Variants in GRM7 observed in about 807,000 individuals in gnomAD.
GRM7 encodes glutamate metabotropic receptor 7.
In GRM7, 35 loss-of-function variants were observed where a neutral mutation model predicts 84.5. The observed-to-expected ratio is 0.41, with a 90% confidence interval of 0.32 to 0.55. The LOEUF is 0.55. Ranked by LOEUF, GRM7 falls within the 20% of genes least tolerant of loss-of-function variation. The pLI, the probability that GRM7 is intolerant of heterozygous loss-of-function variation, is 0.19. For missense variants in GRM7, 1,003 were observed against 1,194.6 expected, an observed-to-expected ratio of 0.84 and a Z score of 2.36; for synonymous variants, 487 against 455.1, an observed-to-expected ratio of 1.07 and a Z score of -0.89.
chr3:6,886,831 A>G (rs1339282276), intron 1 of GRM7, among the ~76,000 whole-genome samples: 1 of 151,816 alleles, frequency 6.6e-6, no homozygotes, highest in Non-Finnish European at 1.5e-5. Context: ...GGATGTCCTA[A>G]GCACTTTGTA....
Position 7,276,203 on chromosome 3 carries a change from ATATATGTGTGTGTGTG to A in GRM7, c.737-22479_737-22464del, listed in dbSNP as rs1378620936. ...ATTATTTTTTAAATTATATATATAT[ATATATGTGTGTGTGTG>A]TGTGTGTGTGTGTGTGTGTGTGTGT... On this transcript the variant is annotated intron_variant, in intron 2 of 9. Coordinates refer to ENST00000357716, the MANE Select transcript of GRM7 (RefSeq NM_000844.4). Among the ~76,000 whole-genome samples, 40 of 124,764 alleles carry A rather than the reference ATATATGTGTGTGTGTG, an allele frequency of 3.2e-4. 1 individual carries two copies. The highest frequency in any genetic ancestry group is 9.7e-4 in the East Asian group (4 of 4,110). 81.9% of individuals were successfully genotyped at this position (124,764 alleles called of 152,430 possible).
intron 1 of GRM7, among the ~76,000 whole-genome samples, chr3:7,106,646 C>G (rs1211645777): frequency 1.3e-5 from 2 of 151,968 alleles, no homozygotes; most frequent in Admixed American, 1.3e-4. Context: ...TAATTTGGCA[C>G]TAGGTCCATT....
At chr3:6,888,623 T>G (rs2124977480) in intron 1 of GRM7, among the ~76,000 whole-genome samples, 1 of 152,300 alleles carries the variant, frequency 6.6e-6, no homozygotes, top group South Asian at 2.1e-4. Context: ...CATGCTGTTT[T>G]GGTTACTGTA....
intron 7 of GRM7, among the ~76,000 whole-genome samples, chr3:7,525,948 A>G (rs557562405): frequency 1.5e-3 from 225 of 152,234 alleles, no homozygotes; most frequent in African/African-American, 5.3e-3. Flanking sequence ...GCAGTTTTTA[A>G]TCCAATCCAC....
chr3:7,298,739 C>T lies in GRM7; in HGVS notation c.792C>T (p.Thr264=). ...TCCCCCAGGAACGCAAAGACAGGAC[C>T]ATTGACTTTGATAGAATTATCAAAC... is the stretch of plus-strand genomic sequence containing the variant. ...VRIPQERKDR[T]IDFDRIIKQL... is the part of the protein sequence containing the mutation. The change falls in exon 3 of 10, where the codon ACC becomes ACT. Residue 264 remains threonine, a synonymous_variant. Coordinates refer to ENST00000357716, the MANE Select transcript of GRM7 (RefSeq NM_000844.4). 6.2e-7 allele frequency: 1 copy of T among 1,612,956 alleles called. No homozygotes were observed. The highest frequency in any genetic ancestry group is 1.3e-5 in the African/African-American group (1 of 75,016).
intron 4 of GRM7, among the ~76,000 whole-genome samples, chr3:7,334,966 G>A (rs796131848): frequency 4.6e-5 from 7 of 152,126 alleles, no homozygotes; most frequent in African/African-American, 1.7e-4. Flanking sequence ...TTAATTGTGG[G>A]GGACTTCAGT....
At chr3:7,446,245 G>A (rs979961196) in intron 5 of GRM7, among the ~76,000 whole-genome samples, 21 of 152,134 alleles carry the variant, frequency 1.4e-4, no homozygotes, top group Non-Finnish European at 2.9e-5. Context: ...TTCAATTAAT[G>A]TTTGAAATAA....
At chr3:7,289,313 G>T (rs1052150224) in intron 2 of GRM7, among the ~76,000 whole-genome samples, 2 of 152,196 alleles carry the variant, frequency 1.3e-5, no homozygotes, top group African/African-American at 4.8e-5. Flanking sequence ...GATACCAGCT[G>T]TTGAAAAGAA....
At chr3:7,421,265 C>G (rs368048932) in intron 5 of GRM7, among the ~76,000 whole-genome samples, 1 of 152,130 alleles carries the variant, frequency 6.6e-6, no homozygotes, top group Non-Finnish European at 1.5e-5. Context: ...AATTATTCCA[C>G]TGGATAAATC....
chr3:7,436,782 C>T (rs1379748863), intron 5 of GRM7, among the ~76,000 whole-genome samples: 1 of 152,170 alleles, frequency 6.6e-6, no homozygotes, highest in African/African-American at 2.4e-5. Context: ...TCCCCTGTGC[C>T]TATGAACTTT....
intron 8 of GRM7, among the ~76,000 whole-genome samples, chr3:7,651,532 AAAGAAC>A (rs1323879991): frequency 1.3e-5 from 2 of 152,220 alleles, no homozygotes; most frequent in African/African-American, 4.8e-5. Flanking sequence ...CTGAAGGCAG[AAAGAAC>A]AAGAAGGGGA....
chr3:7,378,360 C>G (rs1269997284), intron 4 of GRM7, among the ~76,000 whole-genome samples: 1 of 152,092 alleles, frequency 6.6e-6, no homozygotes, highest in Non-Finnish European at 1.5e-5. Context: ...TAGAATCTAC[C>G]AAGCCTGAAA....
At chr3:7,136,699 T>C (rs1365617411) in intron 1 of GRM7, among the ~76,000 whole-genome samples, 1 of 152,106 alleles carries the variant, frequency 6.6e-6, no homozygotes, top group African/African-American at 2.4e-5. Context: ...AAATCTGTTC[T>C]CTTAGCTTAT....
intron 9 of GRM7, among the ~76,000 whole-genome samples, chr3:7,699,614 A>G (rs1386434317): frequency 1.3e-5 from 2 of 151,812 alleles, no homozygotes; most frequent in Non-Finnish European, 2.9e-5. Context: ...AAATTAGCGA[A>G]TTTTTTTTCT....
At chr3:7,564,752 A>G (rs1694183111) in intron 7 of GRM7, among the ~76,000 whole-genome samples, 1 of 152,178 alleles carries the variant, frequency 6.6e-6, no homozygotes, top group Non-Finnish European at 1.5e-5. Flanking sequence ...TACCTAATAA[A>G]CTAAGGGAAC....
chr3:6,980,958 G>GT (rs966145766), intron 1 of GRM7, among the ~76,000 whole-genome samples: 17 of 152,150 alleles, frequency 1.1e-4, no homozygotes, highest in Non-Finnish European at 2.4e-4. Context: ...TAGAAGGGAT[G>GT]TTTTTTTCCC....
chr3:7,407,346 T>G (rs191425763), intron 4 of GRM7, among the ~76,000 whole-genome samples: 1 of 152,324 alleles, frequency 6.6e-6, no homozygotes, highest in East Asian at 1.9e-4. Context: ...TCTACTGACC[T>G]TGTGCATCTT....
At chr3:6,870,153 T>C (rs1158368707) in intron 1 of GRM7, among the ~76,000 whole-genome samples, 1 of 152,150 alleles carries the variant, frequency 6.6e-6, no homozygotes, top group East Asian at 1.9e-4. Flanking sequence ...TGTTACAAGT[T>C]GGTGAACATT....
intron 1 of GRM7, among the ~76,000 whole-genome samples, chr3:7,105,675 C>G (rs2125027706): frequency 6.6e-6 from 1 of 151,774 alleles, no homozygotes; most frequent in Non-Finnish European, 1.5e-5. Context: ...TTCACTTTCC[C>G]TTAATTTTCT....
Sources: allele counts gnomAD v4.1 joint callset (sites outside exome capture counted in the v4.1 genomes callset), GRCh38; gene constraint gnomAD v4.1.1; transcripts MANE v1.5; gene names NCBI Gene and HGNC (gene_info 2026-07-23, HGNC 2026-07-21).